Variants in ABHD17C observed in about 807,000 individuals in gnomAD.
ABHD17C encodes alpha/beta hydrolase domain-containing protein 17C.
Under a neutral mutation model 27.9 loss-of-function variants are expected in ABHD17C, and 11 were observed. That is an observed-to-expected ratio of 0.39 (90% CI 0.25 to 0.65). The LOEUF is 0.65. Ranked by LOEUF, ABHD17C falls within the 30% of genes least tolerant of loss-of-function variation. The pLI is 0.45. For missense variants in ABHD17C, 280 were observed against 470.2 expected, an observed-to-expected ratio of 0.60 and a Z score of 3.74; for synonymous variants, 233 against 209.1, an observed-to-expected ratio of 1.11 and a Z score of -0.98.
At chr15:80,731,518 T>C (rs1026570566) in intron 1 of ABHD17C, among the ~76,000 whole-genome samples, 4 of 152,232 alleles carry the variant, frequency 2.6e-5, no homozygotes, top group African/African-American at 4.8e-5. Flanking sequence ...AGGTTTGTCA[T>C]TGCCACCAGG....
intron 1 of ABHD17C, among the ~76,000 whole-genome samples, chr15:80,740,505 A>G (rs974657110): frequency 1.3e-4 from 20 of 152,120 alleles, no homozygotes; most frequent in African/African-American, 4.8e-4. Context: ...TGACCAAAGT[A>G]GGATGGTCAA....
At chr15:80,700,555 A>G (rs1220508778) in intron 1 of ABHD17C, among the ~76,000 whole-genome samples, 3 of 152,330 alleles carry the variant, frequency 2.0e-5, no homozygotes, top group Non-Finnish European at 4.4e-5. Context: ...ACAAAAGGCA[A>G]ATTACAAAAG....
intron 1 of ABHD17C, among the ~76,000 whole-genome samples, chr15:80,698,678 T>G (rs1355083581): frequency 6.6e-6 from 1 of 152,256 alleles, no homozygotes; most frequent in Non-Finnish European, 1.5e-5. Flanking sequence ...AGTATGGTTC[T>G]TCTGCTCTTA....
At chr15:80,708,434 GCCT>G (rs1894679167) in intron 1 of ABHD17C, among the ~76,000 whole-genome samples, 1 of 152,184 alleles carries the variant, frequency 6.6e-6, no homozygotes, top group Admixed American at 6.5e-5. Flanking sequence ...TCATGCCTCA[GCCT>G]CCCAAATAGC....
intron 1 of ABHD17C, among the ~76,000 whole-genome samples, chr15:80,714,235 C>T (rs556764566): frequency 2.0e-5 from 3 of 152,316 alleles, no homozygotes; most frequent in South Asian, 4.1e-4. Flanking sequence ...GGATTACAGG[C>T]GTGAGCCATC....
intron 1 of ABHD17C, among the ~76,000 whole-genome samples, chr15:80,743,413 G>T (rs529523854): frequency 6.6e-6 from 1 of 152,120 alleles, no homozygotes; most frequent in Non-Finnish European, 1.5e-5. Context: ...GATAGAAAGC[G>T]CTGTGTGTAG....
chr15:80,723,969 G>A (rs1301344445), intron 1 of ABHD17C, among the ~76,000 whole-genome samples: 1 of 152,166 alleles, frequency 6.6e-6, no homozygotes, highest in African/African-American at 2.4e-5. Context: ...TTGGGAGGCT[G>A]AGGCGGGTGG....
intron 1 of ABHD17C, among the ~76,000 whole-genome samples, chr15:80,746,647 G>C (rs943159497): frequency 6.6e-6 from 1 of 152,188 alleles, no homozygotes; most frequent in African/African-American, 2.4e-5. Context: ...TCTCCAGAAG[G>C]CATTTAAAGA....
At chr15:80,744,706 C>G (rs573647443) in intron 1 of ABHD17C, among the ~76,000 whole-genome samples, 2 of 152,226 alleles carry the variant, frequency 1.3e-5, no homozygotes, top group African/African-American at 4.8e-5. Context: ...TGCCTAATAA[C>G]TAAAGGAAAT....
intron 1 of ABHD17C, among the ~76,000 whole-genome samples, chr15:80,731,659 T>C (rs1895058907): frequency 1.1e-5 from 1 of 88,018 alleles, no homozygotes; most frequent in Non-Finnish European, 2.8e-5. Context: ...TTTTATAATC[T>C]TTTTTTTTTT....
Position 80,726,501 on chromosome 15 carries a change from G to GTTTTTTTTTTTTTTTTTTTTT in ABHD17C, c.591-23004_591-22984dup, listed in dbSNP as rs10572505. On this transcript the variant is annotated intron_variant, in intron 1 of 2. Coordinates refer to ENST00000258884, the MANE Select transcript of ABHD17C (RefSeq NM_021214.2). ...CCTTGGTTAATTGCTTCTTTTTCTGGTTTTTTTTTTTTTTTTTTTTTTTTT... is the reference window on the plus strand; with the variant it reads ...CCTTGGTTAATTGCTTCTTTTTCTGGTTTTTTTTTTTTTTTTTTTTTTTTTTTTTTTTTTTTTTTTTTTTTT... 2.1e-5 allele frequency among the ~76,000 whole-genome samples: 2 copies of GTTTTTTTTTTTTTTTTTTTTT among 94,508 alleles called. 1 individual carries two copies. The highest frequency in any genetic ancestry group is 1.1e-4 in the African/African-American group (2 of 18,676). The allele number at this position is 94,508 out of a possible 152,430, so 62.0% of individuals were successfully genotyped here.
intron 1 of ABHD17C, among the ~76,000 whole-genome samples, chr15:80,709,190 T>TA (rs553121085): frequency 8.6e-5 from 13 of 151,250 alleles, no homozygotes; most frequent in East Asian, 3.9e-4. Context: ...TATAGTTTTT[T>TA]AAAAAAAAGC....
intron 1 of ABHD17C, among the ~76,000 whole-genome samples, chr15:80,735,752 G>A (rs990485224): frequency 6.6e-6 from 1 of 152,038 alleles, no homozygotes. Flanking sequence ...TCCCCATTTC[G>A]ATCATTCTCT....
chr15:80,738,217 G>A (rs1895160624), intron 1 of ABHD17C, among the ~76,000 whole-genome samples: 1 of 152,132 alleles, frequency 6.6e-6, no homozygotes, highest in Non-Finnish European at 1.5e-5. Flanking sequence ...TCAGGGTACA[G>A]CAATGGATTG....
intron 1 of ABHD17C, among the ~76,000 whole-genome samples, chr15:80,744,405 C>T (rs1302201117): frequency 6.6e-6 from 1 of 152,114 alleles, no homozygotes; most frequent in Non-Finnish European, 1.5e-5. Flanking sequence ...TTGTCCTCAC[C>T]TGCTAAAACC....
intron 1 of ABHD17C, among the ~76,000 whole-genome samples, chr15:80,746,940 A>G (rs547668462): frequency 6.6e-6 from 1 of 152,318 alleles, no homozygotes; most frequent in African/African-American, 2.4e-5. Flanking sequence ...CTCTCAGACC[A>G]GATTTTATCA....
chr15:80,723,886 G>A (rs2759308), intron 1 of ABHD17C, among the ~76,000 whole-genome samples: 51,013 of 152,004 alleles, frequency 0.34, 10,520 homozygotes, highest in Non-Finnish European at 0.48. Context: ...TCCTCCTGAC[G>A]GCCTCTGAGC....
chr15:80,701,367 G>A (rs903501518), intron 1 of ABHD17C, among the ~76,000 whole-genome samples: 15 of 152,014 alleles, frequency 9.9e-5, no homozygotes, highest in Non-Finnish European at 2.9e-5. Flanking sequence ...GCTTGAGTTT[G>A]ACTGATTAGG....
chr15:80,718,012 CA>C (rs1345431576), intron 1 of ABHD17C, among the ~76,000 whole-genome samples: 4 of 152,164 alleles, frequency 2.6e-5, no homozygotes, highest in African/African-American at 9.7e-5. Flanking sequence ...CCAGTTCAGA[CA>C]GACTGCCTGA....
Sources: gnomAD v4.1 joint callset for allele counts (sites outside exome capture counted in the v4.1 genomes callset) on GRCh38, gnomAD v4.1.1 for gene constraint, MANE v1.5 for transcripts, NCBI Gene and HGNC (gene_info 2026-07-23, HGNC 2026-07-21) for gene names.